The following XRCC6 variants were observed in gnomAD, a reference collection of about 807,000 sequenced individuals.
The protein encoded by XRCC6 is X-ray repair cross complementing 6, also known as DNA repair protein Ku70.
Under a neutral mutation model 65.7 loss-of-function variants are expected in XRCC6, and 5 were observed. The ratio of observed to expected loss-of-function variants is 0.08; its 90% confidence interval spans 0.04 to 0.16. XRCC6 has a LOEUF of 0.16. Among genes scored for constraint, XRCC6 ranks in the 10% least tolerant of loss-of-function variants. XRCC6 has a pLI of 1.00. For missense variants in XRCC6, 447 were observed against 738.1 expected (o/e 0.61, Z 4.57); for synonymous variants, 270 against 270.6 (o/e 1.00, Z 0.02).
chr22:41,658,535 C>G (rs2068067370), intron 11 of XRCC6, among the ~76,000 whole-genome samples, 183 bp downstream of exon 11: 1 of 152,212 alleles, frequency 6.6e-6, no homozygotes, highest in Non-Finnish European at 1.5e-5. Context: ...TTGGCTGGTT[C>G]CATAGTGAGA....
rs563708801 is a variant in XRCC6, at chr22:41,649,651, G to A, written c.961-1072G>A. ...GGGCGGATCACGAGGTCAGGAGATC[G>A]AGACCATCCCGGCTAACACAGTGAA... On this transcript the variant is annotated intron_variant, in intron 7 of 12. Coordinates refer to ENST00000360079, the MANE Select transcript of XRCC6 (RefSeq NM_001469.5). Among the ~76,000 whole-genome samples the A allele has an allele frequency of 1.6e-4, 25 of 151,678 alleles. 1 individual carries two copies. The highest frequency in any genetic ancestry group is 6.0e-4 in the African/African-American group (25 of 41,360).
chr22:41,647,658 C>A (rs1304762169), intron 7 of XRCC6, among the ~76,000 whole-genome samples: 2 of 151,968 alleles, frequency 1.3e-5, no homozygotes, highest in Non-Finnish European at 2.9e-5. Flanking sequence ...AAGTAATCCT[C>A]CTGCTTTGGC....
intron 6 of XRCC6, among the ~76,000 whole-genome samples, chr22:41,642,159 A>G (rs776575176): frequency 1.5e-4 from 23 of 152,212 alleles, no homozygotes; most frequent in Admixed American, 3.3e-4. Flanking sequence ...TAGGGCTGCA[A>G]TAAACATGGG....
intron 3 of XRCC6, among the ~76,000 whole-genome samples, chr22:41,631,102 C>G (rs1339340760): frequency 6.6e-6 from 1 of 150,922 alleles, no homozygotes; most frequent in Non-Finnish European, 1.5e-5. Context: ...ATGACCCCCC[C>G]ACCTCCCTCC....
intron 6 of XRCC6, among the ~76,000 whole-genome samples, 171 bp downstream of exon 6, chr22:41,637,962 T>TAA (rs132775): frequency 0.078 from 10,259 of 131,032 alleles, 1,065 homozygotes; most frequent in East Asian, 0.51. Flanking sequence ...TCTCTCTACC[T>TAA]AAAAAAAAAA....
intron 2 of XRCC6, among the ~76,000 whole-genome samples, chr22:41,627,241 T>C (rs1231948530): frequency 1.3e-5 from 2 of 152,076 alleles, no homozygotes; most frequent in Non-Finnish European, 2.9e-5. Flanking sequence ...TTTAGAAATG[T>C]AGGTTTGGGT....
chr22:41,647,201 C>A, intron 7 of XRCC6, 119 bp downstream of exon 7: 2 of 1,027,598 alleles, frequency 1.9e-6, no homozygotes, highest in Admixed American at 2.5e-5. Context: ...TGGACTCAAG[C>A]GATCCTTCTG....
In XRCC6 at chr22:41,663,867, C is replaced by T; in HGVS notation, c.*52C>T. 6.3e-7 allele frequency: 1 copy of T among 1,576,492 alleles called. No homozygotes were observed. Among genetic ancestry groups the T allele is most frequent in the South Asian group, 1.1e-5 (1 of 88,718 alleles). ...TCCGCAGTGTGGCCAGGCTGCCTGG[C>T]CTTGTCCTCAGCCAGTTAAAATGTG... On this transcript the variant is annotated 3_prime_UTR_variant, in exon 13 of 13. Coordinates refer to ENST00000360079, the MANE Select transcript of XRCC6 (RefSeq NM_001469.5).
intron 6 of XRCC6, among the ~76,000 whole-genome samples, chr22:41,639,313 T>C (rs2067846576): frequency 6.8e-6 from 1 of 146,282 alleles, no homozygotes; most frequent in Non-Finnish European, 1.5e-5. Flanking sequence ...GGGAACCAGA[T>C]TGCTAGATTC....
intron 2 of XRCC6, among the ~76,000 whole-genome samples, chr22:41,623,118 G>T (rs2067629344): frequency 6.6e-6 from 1 of 151,802 alleles, no homozygotes; most frequent in African/African-American, 2.4e-5. Flanking sequence ...TTTTAATAGA[G>T]ACAGGCTGGA....
At chr22:41,650,337 T>C (rs555458729) in intron 7 of XRCC6, among the ~76,000 whole-genome samples, 99 of 152,052 alleles carry the variant, frequency 6.5e-4, no homozygotes, top group Non-Finnish European at 1.3e-3. Context: ...ACTCCTGGGC[T>C]CAAGCAGTCT....
At chr22:41,628,330 G>A (rs56101195) in intron 3 of XRCC6, 100 bp downstream of exon 3, 10 of 945,312 alleles carry the variant, frequency 1.1e-5, no homozygotes, top group South Asian at 1.6e-5. Flanking sequence ...AGGCCGAGAC[G>A]GGCAGATCAC....
chr22:41,622,019 G>A lies in XRCC6; in HGVS notation c.15G>A (p.Glu5=). The A allele has an allele frequency of 9.9e-6, 16 of 1,614,244 alleles. No homozygotes were observed. The highest frequency in any genetic ancestry group is 1.4e-5 in the Non-Finnish European group (16 of 1,180,042). ...CAGTAGCCAACATGTCAGGGTGGGA[G>A]TCATATTACAAAACCGAGGGCGATG... MSGW[E]SYYKTEGDEE... is the part of the protein sequence containing the mutation. The change falls in exon 2 of 13, where the codon GAG becomes GAA. Residue 5 remains glutamate (E), a synonymous_variant. Transcript: ENST00000360079.
intron 7 of XRCC6, among the ~76,000 whole-genome samples, chr22:41,647,547 C>T (rs2067945378): frequency 6.7e-6 from 1 of 149,436 alleles, no homozygotes; most frequent in South Asian, 2.1e-4. Flanking sequence ...CGCCATTGCG[C>T]TCCAGCCTGG....
intron 7 of XRCC6, among the ~76,000 whole-genome samples, chr22:41,649,127 A>C (rs1423713351): frequency 1.1e-5 from 1 of 90,394 alleles, no homozygotes; most frequent in Non-Finnish European, 2.0e-5. Flanking sequence ...AAGAGAGTAC[A>C]AAAAAAAAAA....
At chr22:41,645,431 C>T (rs1198307423) in intron 6 of XRCC6, among the ~76,000 whole-genome samples, 2 of 151,988 alleles carry the variant, frequency 1.3e-5, no homozygotes, top group Non-Finnish European at 1.5e-5. Flanking sequence ...TTTAGGGTGC[C>T]ATTATGAGAA....
intron 2 of XRCC6, among the ~76,000 whole-genome samples, chr22:41,627,073 G>A (rs1002005568): frequency 1.8e-4 from 27 of 152,206 alleles, no homozygotes; most frequent in Middle Eastern, 3.4e-3. Context: ...ACTGTGCCCC[G>A]CCTAATTAAT....
At chr22:41,638,806 G>A (rs1311950010) in intron 6 of XRCC6, among the ~76,000 whole-genome samples, 1 of 145,536 alleles carries the variant, frequency 6.9e-6, no homozygotes, top group African/African-American at 2.7e-5. Context: ...AAAGAAATAT[G>A]GTATAAAGAT....
chr22:41,649,516 A>G (rs992244034), intron 7 of XRCC6, among the ~76,000 whole-genome samples: 3 of 151,866 alleles, frequency 2.0e-5, no homozygotes, highest in Admixed American at 6.6e-5. Context: ...TGCCTTCCAC[A>G]TTGAGACCTA....
Sources: gnomAD v4.1 joint callset for allele counts (sites outside exome capture counted in the v4.1 genomes callset) on GRCh38, gnomAD v4.1.1 for gene constraint, MANE v1.5 for transcripts, NCBI Gene and HGNC (gene_info 2026-07-23, HGNC 2026-07-21) for gene names.